Variants in CMPK1 observed in about 807,000 individuals in gnomAD.
The protein encoded by CMPK1 is cytidine/uridine monophosphate kinase 1, also known as UMP-CMP kinase.
A neutral mutation model predicts 25.7 loss-of-function variants in CMPK1; 10 were observed. That is an observed-to-expected ratio of 0.39 (90% CI 0.24 to 0.66). The LOEUF (loss-of-function observed/expected upper bound fraction) is 0.66, where lower values mean the gene tolerates loss of function less well. Ranked by LOEUF, CMPK1 falls within the 30% of genes least tolerant of loss-of-function variation. The pLI, the probability that CMPK1 is intolerant of heterozygous loss-of-function variation, is 0.48. For missense variants in CMPK1, 199 were observed against 280.5 expected, an observed-to-expected ratio of 0.71 and a Z score of 2.08; for synonymous variants, 106 against 101.5, an observed-to-expected ratio of 1.04 and a Z score of -0.27.
chr1:47,367,636 T>C (rs763437885), intron 1 of CMPK1, among the ~76,000 whole-genome samples: 24 of 152,234 alleles, frequency 1.6e-4, no homozygotes, highest in Non-Finnish European at 5.9e-5. Context: ...TTGTTGTAAC[T>C]GAGCGATAAA....
At chr1:47,364,053 A>G (rs986417756) in intron 1 of CMPK1, among the ~76,000 whole-genome samples, 1 of 152,086 alleles carries the variant, frequency 6.6e-6, no homozygotes, top group Non-Finnish European at 1.5e-5. Context: ...GTGCATCTGG[A>G]TGACCTCCCC....
At chr1:47,343,911 A>C (rs898609797) in intron 1 of CMPK1, among the ~76,000 whole-genome samples, 1 of 151,928 alleles carries the variant, frequency 6.6e-6, no homozygotes, top group African/African-American at 2.4e-5. Flanking sequence ...GCCCATCTCT[A>C]CAAAAAATTA....
chr1:47,342,581 T>C (rs1033169833), intron 1 of CMPK1, among the ~76,000 whole-genome samples: 2 of 152,156 alleles, frequency 1.3e-5, no homozygotes, highest in African/African-American at 4.8e-5. Flanking sequence ...GAAGATTATT[T>C]TAATTTTTAC....
At chr1:47,336,030 G>A (rs1033330826) in intron 1 of CMPK1, among the ~76,000 whole-genome samples, 3 of 152,036 alleles carry the variant, frequency 2.0e-5, no homozygotes, top group African/African-American at 4.8e-5. Context: ...CAAAGTGCTG[G>A]GATTATAGGC....
At chr1:47,350,293 G>GT (rs1364281629) in intron 1 of CMPK1, among the ~76,000 whole-genome samples, 9 of 152,094 alleles carry the variant, frequency 5.9e-5, no homozygotes, top group African/African-American at 2.2e-4. Flanking sequence ...CTGGAGTGCA[G>GT]TGACATGATC....
chr1:47,370,502 G>A (rs1646671139), intron 2 of CMPK1, among the ~76,000 whole-genome samples: 1 of 150,984 alleles, frequency 6.6e-6, no homozygotes, highest in Non-Finnish European at 1.5e-5. Context: ...TTAGCCAAGT[G>A]TGGTGGCACA....
intron 1 of CMPK1, among the ~76,000 whole-genome samples, chr1:47,342,442 G>A (rs899862734): frequency 3.9e-5 from 6 of 152,084 alleles, no homozygotes; most frequent in African/African-American, 1.4e-4. Context: ...ATCTCTTCCG[G>A]AAATACCCTC....
At position 47,368,547 on chromosome 1, in the gene CMPK1, C is replaced by T. The variant is rs767864189; in HGVS notation, c.250C>T (p.Leu84Phe). ...RKNPDSQYGE[L>F]IEKYIKEGKI... ...GAACCCAGATTCACAGTATGGTGAA[C>T]TTATTGAAAAGTACATTAAAGAAGG... Residue 84 changes from leucine (L) to phenylalanine (F), a missense_variant, in exon 2 of 6, where the codon CTT becomes TTT. This residue lies in a region of CMPK1 where 140 missense variants were observed against 235.5 expected (regional missense o/e 0.59). Transcript: ENST00000371873. The T allele has an allele frequency of 1.2e-6, 2 of 1,612,648 alleles. No homozygotes were observed. Among genetic ancestry groups the T allele is most frequent in the South Asian group, 1.1e-5 (1 of 90,806 alleles).
chr1:47,350,739 A>C (rs1175294717), intron 1 of CMPK1, among the ~76,000 whole-genome samples: 2 of 151,880 alleles, frequency 1.3e-5, no homozygotes, highest in Admixed American at 6.6e-5. Context: ...CTAAAAATGC[A>C]AAAAAAGAAA....
At position 47,356,650 on chromosome 1, in the gene CMPK1, A is replaced by G. The variant is rs530755277; in HGVS notation, c.172-11819A>G. Among the ~76,000 whole-genome samples, 16 of 151,646 alleles carry G rather than the reference A, an allele frequency of 1.1e-4. No individual in the cohort carries two copies. In the South Asian group the frequency reaches 1.5e-3, roughly 14 times the overall value. On this transcript the variant is annotated intron_variant, in intron 1 of 5. Coordinates refer to ENST00000371873, the MANE Select transcript of CMPK1 (RefSeq NM_016308.3). ...TACAGTATGAATTTTTCTATCTAGTAATACAGAATGCCTTCTATTTATTTA... is the reference window on the plus strand; with the variant it reads ...TACAGTATGAATTTTTCTATCTAGTGATACAGAATGCCTTCTATTTATTTA...
At chr1:47,376,635 A>G in intron 5 of CMPK1, 69 bp from the exon 6 acceptor site, 1 of 988,770 alleles carries the variant, frequency 1.0e-6, no homozygotes, top group South Asian at 1.4e-5. Context: ...TATTTTTAAT[A>G]AGAACTTAGC....
At chr1:47,343,922 G>C (rs1450688960) in intron 1 of CMPK1, among the ~76,000 whole-genome samples, 5 of 151,772 alleles carry the variant, frequency 3.3e-5, no homozygotes, top group African/African-American at 1.2e-4. Context: ...CAAAAAATTA[G>C]CTGGGCCTGG....
intron 1 of CMPK1, among the ~76,000 whole-genome samples, chr1:47,360,565 T>C (rs1646594805): frequency 6.6e-6 from 1 of 152,210 alleles, no homozygotes; most frequent in African/African-American, 2.4e-5. Context: ...AATCATCAAG[T>C]CATTAAAGTC....
chr1:47,368,708 C>G (rs571912736), intron 2 of CMPK1, 93 bp downstream of exon 2: 1 of 1,203,820 alleles, frequency 8.3e-7, no homozygotes, highest in East Asian at 2.8e-5. Flanking sequence ...GCTTGTGATC[C>G]CAGCATTTTG....
chr1:47,334,074 C>T lies in CMPK1; in HGVS notation c.129C>T (p.Gly43=). The T allele has an allele frequency of 6.5e-7, 1 of 1,539,342 alleles. No homozygotes were observed. The highest frequency in any genetic ancestry group is 8.8e-7 in the Non-Finnish European group (1 of 1,141,932). ...CGCTGGTCGTGTTCGTCCTCGGCGG[C>T]CCCGGCGCCGGCAAGGGGACCCAGT... ...MKPLVVFVLG[G]PGAGKGTQCA... The change falls in exon 1 of 6, where the codon GGC becomes GGT. Residue 43 remains glycine (G), a synonymous_variant. Coordinates refer to ENST00000371873, the MANE Select transcript of CMPK1 (RefSeq NM_016308.3).
At chr1:47,370,388 C>T (rs549351732) in intron 2 of CMPK1, among the ~76,000 whole-genome samples, 1 of 151,770 alleles carries the variant, frequency 6.6e-6, no homozygotes, top group East Asian at 2.0e-4. Flanking sequence ...CCTGTAATCC[C>T]AGCACTTTGG....
chr1:47,361,768 A>G (rs1260712630), intron 1 of CMPK1, among the ~76,000 whole-genome samples: 1 of 147,430 alleles, frequency 6.8e-6, no homozygotes, highest in African/African-American at 2.5e-5. Context: ...CTTTCAGATC[A>G]CAAGGGAAAA....
intron 1 of CMPK1, among the ~76,000 whole-genome samples, chr1:47,337,939 G>A (rs529916369): frequency 6.6e-6 from 1 of 151,990 alleles, no homozygotes; most frequent in South Asian, 2.1e-4. Context: ...TGAAGTCAGC[G>A]GTATGTTGTT....
At chr1:47,366,301 C>T (rs933418437) in intron 1 of CMPK1, among the ~76,000 whole-genome samples, 4 of 152,032 alleles carry the variant, frequency 2.6e-5, no homozygotes, top group Non-Finnish European at 4.4e-5. Context: ...TGTTAGTTAC[C>T]CACTAAGTTT....
Sources: gnomAD v4.1 joint callset for allele counts (sites outside exome capture counted in the v4.1 genomes callset) on GRCh38, gnomAD v4.1.1 for gene constraint, gnomAD v4.1.1 regional missense constraint, MANE v1.5 for transcripts, NCBI Gene and HGNC (gene_info 2026-07-23, HGNC 2026-07-21) for gene names.